The following RCOR1 variants were observed in gnomAD, a reference collection of about 807,000 sequenced individuals.
RCOR1 encodes the protein REST corepressor 1.
RCOR1 carries 12 observed loss-of-function variants against 64.0 expected under a neutral mutation model. That is an observed-to-expected ratio of 0.19 (90% confidence interval 0.12 to 0.30). RCOR1 has a LOEUF of 0.30. Ranked by LOEUF, RCOR1 falls within the 10% of genes least tolerant of loss-of-function variation. The pLI, the probability that RCOR1 is intolerant of heterozygous loss-of-function variation, is 1.00. For synonymous variants in RCOR1, 279 were observed against 227.2 expected, an observed-to-expected ratio of 1.23 and a Z score of -2.05; for missense variants, 502 against 621.2, an observed-to-expected ratio of 0.81 and a Z score of 2.04.
chr14:102,657,675 T>A, intron 2 of RCOR1: 1 of 452,732 alleles, frequency 2.2e-6, no homozygotes, highest in Non-Finnish European at 2.9e-6. Context: ...CTGTCTGTAG[T>A]AAAAATACAA....
At chr14:102,665,331 A>T (rs11850257) in intron 2 of RCOR1, among the ~76,000 whole-genome samples, 40,419 of 136,108 alleles carry the variant, frequency 0.3, 5,839 homozygotes, top group East Asian at 0.38. Flanking sequence ...TTTTTTTTTT[A>T]AATAAAATAG....
intron 2 of RCOR1, 149 bp downstream of exon 2, chr14:102,593,474 A>G (rs1893177505): frequency 3.4e-6 from 3 of 877,632 alleles, no homozygotes; most frequent in Non-Finnish European, 4.8e-6. Flanking sequence ...GAGGACGAGG[A>G]GGCGCACACG....
chr14:102,603,359 CTG>C (rs1893441604), intron 2 of RCOR1, among the ~76,000 whole-genome samples: 1 of 151,734 alleles, frequency 6.6e-6, no homozygotes, highest in African/African-American at 2.4e-5. Context: ...GGGTCTGGCT[CTG>C]TCATCCAGGC....
rs1461198122 is a variant in RCOR1 at position 102,727,811 on chromosome 14, A to G, written c.*1305A>G. On this transcript the variant is annotated 3_prime_UTR_variant, in exon 12 of 12. Transcript: ENST00000262241. Reference sequence around the variant, plus strand: ...TAATAAACATTTTGAGACTTCCAGAATCACTTTTGTTATCTTATCAGACCA... The same window carrying G: ...TAATAAACATTTTGAGACTTCCAGAGTCACTTTTGTTATCTTATCAGACCA... 1 of 152,244 alleles carries G rather than the reference A, an allele frequency of 6.6e-6. No individual in the cohort carries two copies. The highest frequency in any genetic ancestry group is 1.5e-5 in the Non-Finnish European group (1 of 68,038). 9.4% of individuals were successfully genotyped at this position (152,244 alleles called of 1,614,324 possible). A position where few individuals can be genotyped will look rare whatever the true frequency, so the allele number is the denominator to read the frequency against.
chr14:102,714,495 A>G lies in RCOR1; in HGVS notation c.931A>G (p.Arg311Gly). 6.2e-7 allele frequency: 1 copy of G among 1,614,052 alleles called. No homozygotes were observed. The highest frequency in any genetic ancestry group is 8.5e-7 in the Non-Finnish European group (1 of 1,179,912). Residue 311 changes from arginine (R) to glycine (G), a missense_variant, in exon 8 of 12, where the codon AGG becomes GGG. Physicochemically the swap from Arg to Gly is moderately radical, Grantham distance 125. Transcript: ENST00000262241. Reference sequence around the variant, plus strand: ...CACACAAGCTAAAAATAGAGCAAAAAGGAAACCTCCAAAAGGAATGTTTCT... The same window carrying G: ...CACACAAGCTAAAAATAGAGCAAAAGGGAAACCTCCAAAAGGAATGTTTCT... ...HSTQAKNRAK[R>G]KPPKGMFLSQ...
In RCOR1 at chr14:102,724,827, G is replaced by A. The variant is rs1595248243; in HGVS notation, c.1420-1641G>A. On this transcript the variant is annotated intron_variant, in intron 11 of 11. Coordinates refer to ENST00000262241, the MANE Select transcript of RCOR1 (RefSeq NM_015156.4). The stretch of plus-strand genomic sequence containing the variant: ...CTGTCTGGTGAGTCCACAGAACTTG[G>A]GGTGTGTGTAATTTCACCTTTTTAT... Among the ~76,000 whole-genome samples the A allele has an allele frequency of 2.0e-5, 3 of 152,236 alleles. No homozygotes were observed. In the South Asian group the frequency reaches 6.2e-4, roughly 32 times the overall value.
chr14:102,676,361 C>T (rs1468803094), intron 2 of RCOR1, among the ~76,000 whole-genome samples: 39 of 143,178 alleles, frequency 2.7e-4, no homozygotes, highest in African/African-American at 4.1e-4. Context: ...ACCACCCTCC[C>T]GGACGGGGCG....
intron 2 of RCOR1, among the ~76,000 whole-genome samples, chr14:102,677,263 T>C (rs1895197828): frequency 1.0e-5 from 1 of 96,422 alleles, no homozygotes; most frequent in Non-Finnish European, 2.0e-5. Context: ...GAGGGGCTCC[T>C]CACTTCCCAG....
intron 2 of RCOR1, among the ~76,000 whole-genome samples, chr14:102,677,392 T>G (rs2139956443): frequency 7.1e-6 from 1 of 140,282 alleles, no homozygotes; most frequent in South Asian, 2.3e-4. Context: ...GAGACGCTCC[T>G]CACTTCCCAG....
At chr14:102,684,689 G>A (rs1356766678) in intron 3 of RCOR1, among the ~76,000 whole-genome samples, 1 of 151,728 alleles carries the variant, frequency 6.6e-6, no homozygotes, top group African/African-American at 2.4e-5. Flanking sequence ...ACCCAGAGGT[G>A]ATAATCGTTA....
At position 102,640,790 on chromosome 14, in the gene RCOR1, G is replaced by A. The variant is rs866639964; in HGVS notation, c.362-41105G>A. On this transcript the variant is annotated intron_variant, in intron 2 of 11. Transcript: ENST00000262241. ...AGCCTGGGCAACATAGTGAAACCCC[G>A]TCTTACAGAAAATTAAAAAATTAGC... Among the ~76,000 whole-genome samples, 26 of 149,024 alleles carry A rather than the reference G, an allele frequency of 1.7e-4. No homozygotes were observed. In the Middle Eastern group the frequency reaches 0.01, roughly 58 times the overall value.
At chr14:102,601,358 A>C (rs1000857093) in intron 2 of RCOR1, among the ~76,000 whole-genome samples, 1 of 152,194 alleles carries the variant, frequency 6.6e-6, no homozygotes, top group Admixed American at 6.5e-5. Context: ...GGTACAGCTA[A>C]AGCCTCATTC....
At chr14:102,722,121 G>A (rs1463417349) in intron 10 of RCOR1, 66 bp from the exon 11 acceptor site, 2 of 1,153,690 alleles carry the variant, frequency 1.7e-6, no homozygotes, top group East Asian at 2.4e-5. Context: ...AGAGGTAAGT[G>A]TCACTTGTGG....
At chr14:102,596,053 A>G (rs1197198017) in intron 2 of RCOR1, among the ~76,000 whole-genome samples, 1 of 152,000 alleles carries the variant, frequency 6.6e-6, no homozygotes, top group Non-Finnish European at 1.5e-5. Flanking sequence ...CATTTAACTT[A>G]AAAGCTTAAG....
chr14:102,701,349 T>G lies in RCOR1; in HGVS notation c.498+19T>G. ...GGAACAGGTAATATCATGGTTTTCTTTCTTTTGCTGTTAAAAAATGAGTAT... is the reference window on the plus strand; with the variant it reads ...GGAACAGGTAATATCATGGTTTTCTGTCTTTTGCTGTTAAAAAATGAGTAT... On this transcript the variant is annotated intron_variant, in intron 4 of 11. Coordinates refer to ENST00000262241, the MANE Select transcript of RCOR1 (RefSeq NM_015156.4). The G allele has an allele frequency of 6.4e-7, 1 of 1,552,336 alleles. No homozygotes were observed. Among genetic ancestry groups the G allele is most frequent in the East Asian group, 2.3e-5 (1 of 43,028 alleles).
intron 2 of RCOR1, among the ~76,000 whole-genome samples, chr14:102,672,098 C>T (rs1331291143): frequency 6.6e-6 from 1 of 152,086 alleles, no homozygotes; most frequent in Non-Finnish European, 1.5e-5. Flanking sequence ...GTTGTTTCTA[C>T]CTTTTAGCTG....
intron 2 of RCOR1, among the ~76,000 whole-genome samples, chr14:102,597,101 G>A (rs1489481010): frequency 6.8e-6 from 1 of 147,440 alleles, no homozygotes; most frequent in African/African-American, 2.5e-5. Context: ...TTGAACTCCT[G>A]ACCTCAGGTG....
intron 2 of RCOR1, among the ~76,000 whole-genome samples, chr14:102,613,638 T>G (rs1399604100): frequency 6.6e-6 from 1 of 151,392 alleles, no homozygotes; most frequent in Non-Finnish European, 1.5e-5. Context: ...TTCACCATGG[T>G]CTCGATCTCC....
chr14:102,594,232 G>A (rs1432836522), intron 2 of RCOR1, among the ~76,000 whole-genome samples: 1 of 152,206 alleles, frequency 6.6e-6, no homozygotes, highest in Non-Finnish European at 1.5e-5. Flanking sequence ...TTGAAAGAAC[G>A]TAGGATTTAT....
Sources: gnomAD v4.1 joint callset for allele counts (sites outside exome capture counted in the v4.1 genomes callset) on GRCh38, gnomAD v4.1.1 for gene constraint, MANE v1.5 for transcripts, NCBI Gene and HGNC (gene_info 2026-07-23, HGNC 2026-07-21) for gene names.